Variants in GRID1 observed in about 807,000 individuals in gnomAD.
GRID1 encodes glutamate ionotropic receptor delta type subunit 1, also known as glutamate receptor ionotropic, delta-1.
In GRID1, 28 loss-of-function variants were observed where a neutral mutation model predicts 98.0. The ratio of observed to expected loss-of-function variants is 0.29; its 90% confidence interval spans 0.21 to 0.39. GRID1 has a LOEUF of 0.39. GRID1 is among the 10% of genes least tolerant of loss of function. The probability of loss-of-function intolerance (pLI) is 1.00; values close to 1 mark genes in which losing one functional copy is unlikely to be tolerated. For missense variants in GRID1, 1,111 were observed against 1,340.5 expected, an observed-to-expected ratio of 0.83 and a Z score of 2.67; for synonymous variants, 553 against 538.5, an observed-to-expected ratio of 1.03 and a Z score of -0.37.
intron 2 of GRID1, among the ~76,000 whole-genome samples, chr10:86,287,251 A>G (rs1323751433): frequency 6.6e-6 from 1 of 152,116 alleles, no homozygotes; most frequent in Non-Finnish European, 1.5e-5. Flanking sequence ...GCAGTCCCCA[A>G]ATTCCCCCCT....
At chr10:86,285,510 C>A (rs1321847734) in intron 2 of GRID1, among the ~76,000 whole-genome samples, 2 of 152,248 alleles carry the variant, frequency 1.3e-5, no homozygotes, top group Non-Finnish European at 2.9e-5. Flanking sequence ...AGGGCCCCTG[C>A]CGACTGGGTC....
intron 12 of GRID1, among the ~76,000 whole-genome samples, chr10:85,672,598 G>A (rs775789602): frequency 1.6e-4 from 25 of 151,902 alleles, no homozygotes; most frequent in Admixed American, 2.0e-4. Flanking sequence ...GAGCCCCCAC[G>A]CCCGGCCTCT....
intron 8 of GRID1, among the ~76,000 whole-genome samples, chr10:85,783,703 T>A (rs556870295): frequency 6.6e-6 from 1 of 152,330 alleles, no homozygotes; most frequent in African/African-American, 2.4e-5. Context: ...TTTAGAAAAC[T>A]GCCACGAGTC....
intron 2 of GRID1, among the ~76,000 whole-genome samples, chr10:86,336,770 T>C (rs1848227350): frequency 1.3e-5 from 2 of 151,968 alleles, no homozygotes; most frequent in Non-Finnish European, 2.9e-5. Flanking sequence ...ACAGTTGTGT[T>C]ATTTCATGTA....
chr10:85,771,692 C>T (rs1239529889), intron 8 of GRID1, among the ~76,000 whole-genome samples: 1 of 152,172 alleles, frequency 6.6e-6, no homozygotes, highest in Non-Finnish European at 1.5e-5. Context: ...GATAAACAGA[C>T]TTTAAACCAG....
chr10:85,723,682 AG>A (rs1274463059), intron 11 of GRID1, among the ~76,000 whole-genome samples: 1 of 152,190 alleles, frequency 6.6e-6, no homozygotes, highest in Non-Finnish European at 1.5e-5. Context: ...CTCAGAAATC[AG>A]GGCATGAGAC....
At chr10:85,731,973 G>A (rs1046171364) in intron 8 of GRID1, among the ~76,000 whole-genome samples, 8 of 151,978 alleles carry the variant, frequency 5.3e-5, no homozygotes, top group Middle Eastern at 3.4e-3. Flanking sequence ...AAAAAGGAAA[G>A]GAAAGGAAGA....
chr10:85,723,992 T>C (rs370012599), intron 11 of GRID1, among the ~76,000 whole-genome samples: 1 of 151,966 alleles, frequency 6.6e-6, no homozygotes, highest in South Asian at 2.1e-4. Context: ...ACAATTGGGA[T>C]TTTTTTTCCC....
intron 12 of GRID1, among the ~76,000 whole-genome samples, chr10:85,710,423 G>GA (rs1841569271): frequency 6.6e-6 from 1 of 152,058 alleles, no homozygotes. Context: ...TCCACATGCA[G>GA]AAAAATGCAG....
At chr10:85,952,694 AC>A (rs1842140120) in intron 4 of GRID1, among the ~76,000 whole-genome samples, 1 of 152,206 alleles carries the variant, frequency 6.6e-6, no homozygotes, top group East Asian at 1.9e-4. Context: ...AAATTGAACA[AC>A]ATCTCTATTT....
intron 11 of GRID1, among the ~76,000 whole-genome samples, chr10:85,723,976 T>C (rs961021069): frequency 6.6e-6 from 1 of 152,178 alleles, no homozygotes; most frequent in Admixed American, 6.5e-5. Context: ...CTTAAATGAT[T>C]GCAATACAAT....
chr10:86,075,447 A>C (rs937499568), intron 4 of GRID1, among the ~76,000 whole-genome samples: 2 of 151,842 alleles, frequency 1.3e-5, no homozygotes, highest in African/African-American at 4.8e-5. Context: ...CAGCTAGTAC[A>C]AAGGCAGGGA....
intron 4 of GRID1, among the ~76,000 whole-genome samples, chr10:85,972,602 T>A (rs1034303083): frequency 6.6e-6 from 1 of 151,992 alleles, no homozygotes; most frequent in Non-Finnish European, 1.5e-5. Context: ...TCATGTTTAT[T>A]GGCTACACAA....
chr10:85,884,935 A>T (rs1411572761), intron 5 of GRID1, among the ~76,000 whole-genome samples: 1 of 152,156 alleles, frequency 6.6e-6, no homozygotes, highest in Admixed American at 6.6e-5. Context: ...TTTCAAGTTA[A>T]CATCATATCC....
chr10:86,163,231 C>T (rs1845347255), intron 3 of GRID1, among the ~76,000 whole-genome samples: 1 of 152,084 alleles, frequency 6.6e-6, no homozygotes, highest in South Asian at 2.1e-4. Context: ...CTGGCACTTG[C>T]GTCTGAGCCT....
intron 3 of GRID1, among the ~76,000 whole-genome samples, chr10:86,176,375 C>G (rs1055804442): frequency 6.6e-6 from 1 of 152,174 alleles, no homozygotes; most frequent in Non-Finnish European, 1.5e-5. Context: ...GGGAACTTGG[C>G]CTTATTATAT....
chr10:85,735,318 G>A (rs1841868028), intron 8 of GRID1, among the ~76,000 whole-genome samples: 1 of 152,136 alleles, frequency 6.6e-6, no homozygotes, highest in Admixed American at 6.6e-5. Context: ...TCATTGCTGA[G>A]ATCTGCTCTA....
At chr10:86,034,246 A>G (rs978172931) in intron 4 of GRID1, among the ~76,000 whole-genome samples, 2 of 152,030 alleles carry the variant, frequency 1.3e-5, no homozygotes, top group African/African-American at 2.4e-5. Flanking sequence ...GTTAAATTCC[A>G]TGTGTGTGTG....
chr10:85,975,667 C>G (rs568093812), intron 4 of GRID1, among the ~76,000 whole-genome samples: 1 of 152,208 alleles, frequency 6.6e-6, no homozygotes, highest in African/African-American at 2.4e-5. Context: ...GAGACTGACT[C>G]TTTTTGGTCC....
Sources: gnomAD v4.1 joint callset for allele counts (sites outside exome capture counted in the v4.1 genomes callset) on GRCh38, gnomAD v4.1.1 for gene constraint, MANE v1.5 for transcripts, NCBI Gene and HGNC (gene_info 2026-07-23, HGNC 2026-07-21) for gene names.